MAN1A2: variants seen among roughly 807,000 people sequenced by gnomAD.
MAN1A2 encodes mannosidase alpha class 1A member 2, also known as mannosyl-oligosaccharide 1,2-alpha-mannosidase IB.
In MAN1A2, 26 loss-of-function variants were observed where a neutral mutation model predicts 75.7. The observed-to-expected ratio is 0.34, with a 90% CI of 0.25 to 0.48. MAN1A2 has a LOEUF of 0.48. Among genes scored for constraint, MAN1A2 ranks in the 20% least tolerant of loss-of-function variants. The pLI is 0.99. For synonymous variants in MAN1A2, 247 were observed against 264.6 expected, an observed-to-expected ratio of 0.93 and a Z score of 0.65; for missense variants, 562 against 775.5, an observed-to-expected ratio of 0.72 and a Z score of 3.27.
At chr1:117,418,582 A>G (rs1160777323) in intron 4 of MAN1A2, among the ~76,000 whole-genome samples, 1 of 151,862 alleles carries the variant, frequency 6.6e-6, no homozygotes, top group Admixed American at 6.6e-5. Flanking sequence ...TTGTTTTAAT[A>G]TTTTATTTTT....
chr1:117,402,885 A>G (rs749330997), intron 2 of MAN1A2, among the ~76,000 whole-genome samples: 4 of 152,134 alleles, frequency 2.6e-5, no homozygotes, highest in Non-Finnish European at 4.4e-5. Flanking sequence ...GTATCCCTCA[A>G]CTATACTGTA....
chr1:117,374,041 A>G (rs1023365432), intron 1 of MAN1A2, among the ~76,000 whole-genome samples: 1 of 152,112 alleles, frequency 6.6e-6, no homozygotes, highest in Non-Finnish European at 1.5e-5. Flanking sequence ...ATTATAGAAT[A>G]TTTAACTTAT....
intron 12 of MAN1A2, among the ~76,000 whole-genome samples, chr1:117,513,329 G>A (rs971426048): frequency 2.0e-5 from 3 of 152,044 alleles, no homozygotes; most frequent in Non-Finnish European, 4.4e-5. Context: ...TTTATGTTAC[G>A]TGGCTTTCAC....
chr1:117,493,029 C>G, intron 8 of MAN1A2, 118 bp from the exon 9 acceptor site: 1 of 611,536 alleles, frequency 1.6e-6, no homozygotes. Context: ...ATAGGGTTGT[C>G]AATGTAATTT....
intron 4 of MAN1A2, among the ~76,000 whole-genome samples, chr1:117,417,370 G>A (rs1648028081): frequency 6.6e-6 from 1 of 151,012 alleles, no homozygotes; most frequent in Non-Finnish European, 1.5e-5. Flanking sequence ...TTGGAGTTAG[G>A]TCTTTCATCT....
intron 8 of MAN1A2, among the ~76,000 whole-genome samples, chr1:117,466,968 A>T (rs1650000094): frequency 6.6e-6 from 1 of 152,270 alleles, no homozygotes; most frequent in African/African-American, 2.4e-5. Flanking sequence ...GCTGACACAT[A>T]AATGTTACTG....
intron 5 of MAN1A2, among the ~76,000 whole-genome samples, chr1:117,425,101 G>A (rs1455329374): frequency 1.3e-5 from 2 of 148,152 alleles, no homozygotes; most frequent in African/African-American, 5.0e-5. Flanking sequence ...AGAAAAGGAG[G>A]GGGAAGGGAG....
intron 8 of MAN1A2, among the ~76,000 whole-genome samples, chr1:117,481,738 C>CA (rs1242185512): frequency 6.6e-6 from 1 of 151,896 alleles, no homozygotes; most frequent in African/African-American, 2.4e-5. Context: ...GATAGTTCCA[C>CA]AAAAAGAAGT....
intron 12 of MAN1A2, among the ~76,000 whole-genome samples, chr1:117,521,484 T>A (rs1651869737): frequency 6.6e-6 from 1 of 151,812 alleles, no homozygotes; most frequent in Admixed American, 6.6e-5. Context: ...GACACCACCT[T>A]ACACCTGCAA....
chr1:117,426,121 A>G (rs1246378883), intron 5 of MAN1A2, among the ~76,000 whole-genome samples: 1 of 152,092 alleles, frequency 6.6e-6, no homozygotes, highest in Non-Finnish European at 1.5e-5. Flanking sequence ...TTTCCTGTCA[A>G]CACTTTAGAA....
chr1:117,461,109 AAG>A (rs1037396628), intron 7 of MAN1A2, among the ~76,000 whole-genome samples: 11 of 152,358 alleles, frequency 7.2e-5, no homozygotes, highest in African/African-American at 2.6e-4. Context: ...TACAAAAGGC[AAG>A]AAAATGTCAT....
intron 6 of MAN1A2, among the ~76,000 whole-genome samples, chr1:117,451,810 T>C (rs533684055): frequency 3.9e-5 from 6 of 152,232 alleles, no homozygotes; most frequent in African/African-American, 1.4e-4. Flanking sequence ...CAGTCTCAGG[T>C]ATGTCTTTAT....
intron 6 of MAN1A2, among the ~76,000 whole-genome samples, chr1:117,444,143 C>T (rs184577465): frequency 2.0e-4 from 30 of 152,194 alleles, no homozygotes; most frequent in Admixed American, 1.8e-3. Flanking sequence ...AATAATACTC[C>T]ATGGAAATAC....
chr1:117,382,066 T>C (rs1428327858), intron 1 of MAN1A2, among the ~76,000 whole-genome samples: 2 of 152,268 alleles, frequency 1.3e-5, no homozygotes, highest in East Asian at 1.9e-4. Context: ...GAGTTCATTG[T>C]AGATTCTGGA....
chr1:117,385,850 C>G (rs1188401400), intron 1 of MAN1A2, among the ~76,000 whole-genome samples: 1 of 151,362 alleles, frequency 6.6e-6, no homozygotes, highest in Admixed American at 6.7e-5. Context: ...AGTAAATAGG[C>G]ATTAAGTGAA....
In MAN1A2 at chr1:117,371,295, C is replaced by T. The variant is rs114577024; in HGVS notation, c.302+2810C>T. ...AACATTTTATAACCAAACTGGTTGG[C>T]AACAAATGTATGCCTACTGTGGCAG... On this transcript the variant is annotated intron_variant, in intron 1 of 12. Coordinates refer to ENST00000356554, the MANE Select transcript of MAN1A2 (RefSeq NM_006699.5). Among the ~76,000 whole-genome samples, 1,118 of 152,246 alleles carry T rather than the reference C, an allele frequency of 7.3e-3. 18 individuals carry two copies. The highest frequency in any genetic ancestry group is 0.026 in the African/African-American group (1,070 of 41,546).
intron 1 of MAN1A2, among the ~76,000 whole-genome samples, chr1:117,382,810 A>G (rs1444053540): frequency 6.6e-6 from 1 of 152,162 alleles, no homozygotes; most frequent in African/African-American, 2.4e-5. Flanking sequence ...CTTCCTACCC[A>G]TGAGCATGGA....
intron 5 of MAN1A2, among the ~76,000 whole-genome samples, chr1:117,430,921 T>C (rs2101797583): frequency 8.0e-6 from 1 of 125,256 alleles, no homozygotes; most frequent in South Asian, 3.2e-4. Flanking sequence ...CTGGGCACCA[T>C]TGAGCACTGA....
chr1:117,485,659 G>A (rs1433716917), intron 8 of MAN1A2, among the ~76,000 whole-genome samples: 1 of 151,894 alleles, frequency 6.6e-6, no homozygotes, highest in African/African-American at 2.4e-5. Flanking sequence ...GTGGAACATG[G>A]GCTCTACCTG....
Sources: gnomAD v4.1 joint callset for allele counts (sites outside exome capture counted in the v4.1 genomes callset) on GRCh38, gnomAD v4.1.1 for gene constraint, MANE v1.5 for transcripts, NCBI Gene and HGNC (gene_info 2026-07-23, HGNC 2026-07-21) for gene names.